The following SYT1 variants were observed in gnomAD, a reference collection of about 807,000 sequenced individuals.
SYT1 encodes synaptotagmin-1.
Under a neutral mutation model 44.8 loss-of-function variants are expected in SYT1, and 8 were observed. That is an observed-to-expected ratio of 0.18 (90% CI 0.10 to 0.32). The LOEUF is 0.32. SYT1 is among the 10% of genes least tolerant of loss of function. The pLI is 1.00. For synonymous variants in SYT1, 154 were observed against 188.8 expected, an observed-to-expected ratio of 0.82 and a Z score of 1.51; for missense variants, 286 against 509.3, an observed-to-expected ratio of 0.56 and a Z score of 4.22.
chr12:79,077,860 T>TA (rs976961588), intron 3 of SYT1, among the ~76,000 whole-genome samples: 3 of 152,092 alleles, frequency 2.0e-5, no homozygotes, highest in Non-Finnish European at 4.4e-5. Context: ...ATGCCCTTTT[T>TA]AAAAAATTGT....
At chr12:79,347,125 A>G (rs534904995) in intron 8 of SYT1, among the ~76,000 whole-genome samples, 2 of 150,726 alleles carry the variant, frequency 1.3e-5, no homozygotes, top group South Asian at 4.2e-4. Flanking sequence ...AGGATTGCAG[A>G]TGGATTTTCC....
chr12:79,337,830 A>C (rs1882161408), intron 8 of SYT1, among the ~76,000 whole-genome samples: 1 of 152,236 alleles, frequency 6.6e-6, no homozygotes, highest in Non-Finnish European at 1.5e-5. Flanking sequence ...ATATTTCAAA[A>C]TTACTTGGTA....
chr12:78,938,730 A>T (rs1235491955), intron 1 of SYT1, among the ~76,000 whole-genome samples: 3 of 152,224 alleles, frequency 2.0e-5, no homozygotes, highest in Non-Finnish European at 2.9e-5. Flanking sequence ...ATAAGTTGAC[A>T]GATTGGACCA....
At chr12:79,310,880 T>G (rs1403163703) in intron 8 of SYT1, among the ~76,000 whole-genome samples, 2 of 152,238 alleles carry the variant, frequency 1.3e-5, no homozygotes, top group African/African-American at 2.4e-5. Flanking sequence ...CCTGAGACTT[T>G]GCTGAAGTTG....
intron 4 of SYT1, among the ~76,000 whole-genome samples, chr12:79,266,576 A>C (rs769658509): frequency 1.8e-4 from 27 of 152,314 alleles, no homozygotes; most frequent in Admixed American, 1.6e-3. Context: ...ATCATGAAGA[A>C]AAAGTAACTG....
At chr12:79,095,283 A>G (rs928754016) in intron 3 of SYT1, among the ~76,000 whole-genome samples, 3 of 151,918 alleles carry the variant, frequency 2.0e-5, no homozygotes, top group Non-Finnish European at 2.9e-5. Context: ...AAAAAAATGG[A>G]GGTGGATTCA....
chr12:79,198,243 T>C (rs1019310903), intron 3 of SYT1, among the ~76,000 whole-genome samples: 1 of 152,136 alleles, frequency 6.6e-6, no homozygotes, highest in Non-Finnish European at 1.5e-5. Context: ...CTTTAGCTAA[T>C]GAATAAGTAA....
chr12:78,988,740 T>C (rs572753768), intron 2 of SYT1, among the ~76,000 whole-genome samples: 1 of 151,814 alleles, frequency 6.6e-6, no homozygotes, highest in Non-Finnish European at 1.5e-5. Context: ...TGACATGGAG[T>C]TGTGATTTTT....
chr12:79,087,658 A>G (rs907787503), intron 3 of SYT1, among the ~76,000 whole-genome samples: 2 of 152,096 alleles, frequency 1.3e-5, no homozygotes, highest in Non-Finnish European at 2.9e-5. Context: ...GGATAACAGA[A>G]GAGAATGGCA....
chr12:79,266,946 C>T (rs928401590), intron 4 of SYT1, among the ~76,000 whole-genome samples: 3 of 152,132 alleles, frequency 2.0e-5, no homozygotes, highest in African/African-American at 4.8e-5. Flanking sequence ...CTGAATCTTC[C>T]CTTTCATGAC....
At chr12:79,023,546 A>C (rs1383283720) in intron 2 of SYT1, among the ~76,000 whole-genome samples, 1 of 151,930 alleles carries the variant, frequency 6.6e-6, no homozygotes, top group Non-Finnish European at 1.5e-5. Context: ...CTGAGAGCCA[A>C]GAATGATGTT....
intron 1 of SYT1, among the ~76,000 whole-genome samples, chr12:78,867,411 G>T (rs1050048246): frequency 6.6e-6 from 1 of 152,042 alleles, no homozygotes; most frequent in Non-Finnish European, 1.5e-5. Flanking sequence ...CAATATCTGT[G>T]TATTGGAAAT....
chr12:79,308,573 GA>G lies in SYT1; in HGVS notation c.810+9026del, dbSNP rs1565901260. ...GAAAAAAGAAAGAAAGGAAAAGAAA[GA>G]AAAGAAGGAAAAGAAAGAAGAAAGA... is the stretch of plus-strand genomic sequence containing the variant. On this transcript the variant is annotated intron_variant, in intron 8 of 10. Coordinates refer to ENST00000261205, the MANE Select transcript of SYT1 (RefSeq NM_005639.3). 2.0e-3 allele frequency among the ~76,000 whole-genome samples: 270 copies of G among 134,244 alleles called. 1 individual carries two copies. The highest frequency in any genetic ancestry group is 7.4e-3 in the African/African-American group (262 of 35,430). The allele number at this position is 134,244 out of a possible 152,430, so 88.1% of individuals were successfully genotyped here.
At chr12:79,377,858 T>C (rs1884064007) in intron 9 of SYT1, among the ~76,000 whole-genome samples, 1 of 152,160 alleles carries the variant, frequency 6.6e-6, no homozygotes, top group African/African-American at 2.4e-5. Flanking sequence ...ATTAAGCCTA[T>C]GACACCAATT....
intron 1 of SYT1, among the ~76,000 whole-genome samples, chr12:78,948,228 A>T (rs997926368): frequency 2.0e-5 from 3 of 151,840 alleles, no homozygotes; most frequent in Admixed American, 6.6e-5. Context: ...ATAATTAATG[A>T]CATATTTAAC....
intron 9 of SYT1, among the ~76,000 whole-genome samples, chr12:79,358,017 A>C (rs1028504098): frequency 9.2e-5 from 14 of 152,174 alleles, no homozygotes; most frequent in Admixed American, 9.2e-4. Flanking sequence ...GTAAACTCCT[A>C]AGTCAGAGAC....
At chr12:79,121,989 C>A (rs1868271883) in intron 3 of SYT1, among the ~76,000 whole-genome samples, 1 of 152,206 alleles carries the variant, frequency 6.6e-6, no homozygotes, top group Non-Finnish European at 1.5e-5. Context: ...CTGAATTTAA[C>A]CACACAGATT....
chr12:79,197,919 A>T (rs1873560124), intron 3 of SYT1, among the ~76,000 whole-genome samples: 1 of 152,176 alleles, frequency 6.6e-6, no homozygotes, highest in South Asian at 2.1e-4. Flanking sequence ...GATACAACTA[A>T]GACAGCTAAG....
At chr12:79,040,365 G>A (rs1873463145) in intron 2 of SYT1, among the ~76,000 whole-genome samples, 1 of 152,164 alleles carries the variant, frequency 6.6e-6, no homozygotes, top group Non-Finnish European at 1.5e-5. Context: ...GCATTTCTCT[G>A]ATGGCCAGTG....
Sources: allele counts gnomAD v4.1 joint callset (sites outside exome capture counted in the v4.1 genomes callset), GRCh38; gene constraint gnomAD v4.1.1; transcripts MANE v1.5; gene names NCBI Gene and HGNC (gene_info 2026-07-23, HGNC 2026-07-21).